MACROD2: variants seen among roughly 807,000 people sequenced by gnomAD.
MACROD2 encodes ADP-ribose glycohydrolase MACROD2.
In MACROD2, 36 loss-of-function variants were observed where a neutral mutation model predicts 70.4. That is an observed-to-expected ratio of 0.51 (90% CI 0.39 to 0.68). The LOEUF (loss-of-function observed/expected upper bound fraction) is 0.68. MACROD2 is among the 30% of genes least tolerant of loss of function. The pLI is 0.00. For synonymous variants in MACROD2, 172 were observed against 178.8 expected, an observed-to-expected ratio of 0.96 and a Z score of 0.30; for missense variants, 496 against 538.4, an observed-to-expected ratio of 0.92 and a Z score of 0.78.
intron 4 of MACROD2, among the ~76,000 whole-genome samples, chr20:14,557,209 T>C (rs181782248): frequency 1.3e-5 from 2 of 152,026 alleles, no homozygotes; most frequent in African/African-American, 4.8e-5. Context: ...CCTTACACCA[T>C]ATATAAAAAT....
In MACROD2 at chr20:15,692,673, C is replaced by T. The variant is rs114597145; in HGVS notation, c.646-170072C>T. 1.3e-3 allele frequency among the ~76,000 whole-genome samples: 204 copies of T among 152,260 alleles called. 1 individual carries two copies. Among genetic ancestry groups the T allele is most frequent in the African/African-American group, 4.8e-3 (198 of 41,544 alleles). ...GGCTCCTGTTGATGGTAAAGAAGTACAGGACCTCAAGTCCTAATGACAAAA... is the reference window on the plus strand; with the variant it reads ...GGCTCCTGTTGATGGTAAAGAAGTATAGGACCTCAAGTCCTAATGACAAAA... On this transcript the variant is annotated intron_variant, in intron 8 of 17. Transcript: ENST00000684519.
At chr20:14,808,025 A>G (rs367980095) in intron 5 of MACROD2, among the ~76,000 whole-genome samples, 3 of 152,256 alleles carry the variant, frequency 2.0e-5, no homozygotes, top group African/African-American at 7.2e-5. Flanking sequence ...ACACTTCAGG[A>G]TATTATCCAG....
chr20:14,780,461 C>G (rs1425982703), intron 5 of MACROD2, among the ~76,000 whole-genome samples: 2 of 150,996 alleles, frequency 1.3e-5, no homozygotes, highest in Non-Finnish European at 2.9e-5. Flanking sequence ...ACTCGGGAGG[C>G]TGAGGCAGGA....
At chr20:14,057,105 G>A (rs1353648584) in intron 2 of MACROD2, among the ~76,000 whole-genome samples, 1 of 152,072 alleles carries the variant, frequency 6.6e-6, no homozygotes, top group Non-Finnish European at 1.5e-5. Flanking sequence ...ATGCACATTT[G>A]ATTGAAGATC....
At chr20:15,550,342 T>TAAATAAATATTTAAAATAAAAAATATTA (rs1261203099) in intron 8 of MACROD2, among the ~76,000 whole-genome samples, 1 of 150,626 alleles carries the variant, frequency 6.6e-6, no homozygotes, top group African/African-American at 2.4e-5. Flanking sequence ...AAGAAATATT[T>TAAATAAATATTTAAAATAAAAAATATTA]ATTATTCAGA....
In MACROD2 at chr20:14,363,816, C is replaced by CAAA. The variant is rs569929488; in HGVS notation, c.272-129632_272-129630dup. Among the ~76,000 whole-genome samples, 123 of 71,556 alleles carry CAAA rather than the reference C, an allele frequency of 1.7e-3. 4 individuals carry two copies. Among genetic ancestry groups the CAAA allele is most frequent in the East Asian group, 3.8e-3 (8 of 2,130 alleles). 46.9% of individuals were successfully genotyped at this position (71,556 alleles called of 152,430 possible). A position where few individuals can be genotyped will look rare whatever the true frequency, so the allele number is the denominator to read the frequency against. ...TGGGCGACAGAGCCAGACTCTGTCT[C>CAAA]AAAAAAAAAAAAAAAAAAAAAAAAA... On this transcript the variant is annotated intron_variant, in intron 3 of 17. Transcript: ENST00000684519.
intron 5 of MACROD2, among the ~76,000 whole-genome samples, chr20:14,968,644 G>T (rs2074660931): frequency 6.6e-6 from 1 of 152,164 alleles, no homozygotes; most frequent in South Asian, 2.1e-4. Flanking sequence ...ACAGACTGGG[G>T]GGCTCCACCC....
intron 5 of MACROD2, among the ~76,000 whole-genome samples, chr20:15,122,049 A>C (rs1311186707): frequency 1.3e-5 from 2 of 152,058 alleles, no homozygotes; most frequent in African/African-American, 2.4e-5. Flanking sequence ...CATTGTTTTT[A>C]ATGTGCTTTT....
At chr20:15,614,042 T>C (rs748193721) in intron 8 of MACROD2, among the ~76,000 whole-genome samples, 1 of 152,218 alleles carries the variant, frequency 6.6e-6, no homozygotes, top group African/African-American at 2.4e-5. Context: ...TAACCCAGAC[T>C]CACAGGTGTA....
At chr20:15,723,586 T>A (rs1158519602) in intron 8 of MACROD2, among the ~76,000 whole-genome samples, 4 of 152,232 alleles carry the variant, frequency 2.6e-5, no homozygotes, top group African/African-American at 9.6e-5. Flanking sequence ...AATATGCATT[T>A]AAGGTTCCTC....
At chr20:14,333,245 C>A (rs892071584) in intron 3 of MACROD2, among the ~76,000 whole-genome samples, 11 of 152,052 alleles carry the variant, frequency 7.2e-5, no homozygotes, top group African/African-American at 2.7e-4. Context: ...ATAAAATTTC[C>A]AATGCTAAGT....
At chr20:14,687,485 T>A (rs1261788457) in intron 5 of MACROD2, among the ~76,000 whole-genome samples, 1 of 152,198 alleles carries the variant, frequency 6.6e-6, no homozygotes, top group Non-Finnish European at 1.5e-5. Context: ...GGAACAAAGA[T>A]CAGTGAGTCA....
chr20:15,833,027 C>A (rs770803184), intron 8 of MACROD2, among the ~76,000 whole-genome samples: 2 of 152,140 alleles, frequency 1.3e-5, no homozygotes, highest in Non-Finnish European at 2.9e-5. Flanking sequence ...TAACAAATTT[C>A]TCCCTTTCAG....
intron 5 of MACROD2, among the ~76,000 whole-genome samples, chr20:15,051,738 C>A (rs1450565527): frequency 1.3e-5 from 2 of 150,788 alleles, no homozygotes; most frequent in African/African-American, 4.9e-5. Context: ...ATACAACTAG[C>A]CATTATACCA....
chr20:15,551,999 A>G (rs959932424), intron 8 of MACROD2, among the ~76,000 whole-genome samples: 10 of 152,096 alleles, frequency 6.6e-5, no homozygotes, highest in African/African-American at 1.9e-4. Context: ...TTTTATATGC[A>G]TACATTTTTT....
intron 3 of MACROD2, among the ~76,000 whole-genome samples, chr20:14,371,631 A>G (rs2083324390): frequency 1.3e-5 from 2 of 152,286 alleles, no homozygotes; most frequent in Admixed American, 1.3e-4. Context: ...ACATACTTGA[A>G]TAGTGAGCAT....
At chr20:14,195,909 G>A (rs1349992565) in intron 3 of MACROD2, among the ~76,000 whole-genome samples, 1 of 152,172 alleles carries the variant, frequency 6.6e-6, no homozygotes, top group East Asian at 1.9e-4. Flanking sequence ...AGAACCTCGG[G>A]ATACAGAAAG....
chr20:15,485,342 A>G (rs2047150241), intron 7 of MACROD2, among the ~76,000 whole-genome samples: 1 of 152,096 alleles, frequency 6.6e-6, no homozygotes, highest in Admixed American at 6.6e-5. Context: ...AGGTCCATCA[A>G]AGTAAATCTC....
At chr20:15,679,171 A>C (rs2050123775) in intron 8 of MACROD2, among the ~76,000 whole-genome samples, 1 of 146,580 alleles carries the variant, frequency 6.8e-6, no homozygotes, top group Non-Finnish European at 1.5e-5. Flanking sequence ...TGGGAGGTGG[A>C]GGTTGCAGTG....
Sources: allele counts gnomAD v4.1 joint callset (sites outside exome capture counted in the v4.1 genomes callset), GRCh38; gene constraint gnomAD v4.1.1; transcripts MANE v1.5; gene names NCBI Gene and HGNC (gene_info 2026-07-23, HGNC 2026-07-21).